The following TMEM266 variants were observed in gnomAD, a reference collection of about 807,000 sequenced individuals.
The protein encoded by TMEM266 is transmembrane protein 266.
Under a neutral mutation model 50.5 loss-of-function variants are expected in TMEM266, and 33 were observed. The observed-to-expected ratio is 0.65, with a 90% CI of 0.50 to 0.87. TMEM266 has a LOEUF of 0.87. Among genes scored for constraint, TMEM266 ranks in the 40% least tolerant of loss-of-function variants. The pLI is 0.00. For synonymous variants in TMEM266, 310 were observed against 292.3 expected (o/e 1.06, Z -0.62); for missense variants, 655 against 695.1 (o/e 0.94, Z 0.65).
In TMEM266 at chr15:76,146,222, C is replaced by T. The variant is rs556245984; in HGVS notation, c.227+8327C>T. Among the ~76,000 whole-genome samples the T allele has an allele frequency of 1.4e-4, 21 of 152,226 alleles. No individual in the cohort carries two copies. In the South Asian group the frequency reaches 3.7e-3, roughly 27 times the overall value. On this transcript the variant is annotated intron_variant, in intron 3 of 10. Transcript: ENST00000388942. Reference sequence around the variant, plus strand: ...TGGTGGTGCAAGGTGGGGGTCGTCACCCCCACTTTATAAATGACACTCTGT... The same window carrying T: ...TGGTGGTGCAAGGTGGGGGTCGTCATCCCCACTTTATAAATGACACTCTGT...
At chr15:76,171,500 C>G (rs1408909006) in intron 7 of TMEM266, among the ~76,000 whole-genome samples, 1 of 152,228 alleles carries the variant, frequency 6.6e-6, no homozygotes, top group Non-Finnish European at 1.5e-5. Flanking sequence ...CTGCTGCTGG[C>G]TCCCCGATGG....
intron 7 of TMEM266, among the ~76,000 whole-genome samples, chr15:76,173,909 G>A (rs2038226063): frequency 6.6e-6 from 1 of 151,370 alleles, no homozygotes; most frequent in Non-Finnish European, 1.5e-5. Flanking sequence ...CTCCAGCCTG[G>A]GTGACAGGGT....
At chr15:76,163,881 CCTT>C (rs772796251) in intron 5 of TMEM266, among the ~76,000 whole-genome samples, 1 of 152,246 alleles carries the variant, frequency 6.6e-6, no homozygotes, top group Non-Finnish European at 1.5e-5. Context: ...TCTTCCTCCT[CCTT>C]CTGTTGAGGT....
chr15:76,099,324 G>C (rs1256137571), intron 1 of TMEM266, among the ~76,000 whole-genome samples: 2 of 152,152 alleles, frequency 1.3e-5, no homozygotes, highest in African/African-American at 2.4e-5. Context: ...CCTTGGGTAG[G>C]GGAGAAAATT....
At chr15:76,068,447 T>C (rs2036475066) in intron 1 of TMEM266, among the ~76,000 whole-genome samples, 1 of 152,220 alleles carries the variant, frequency 6.6e-6, no homozygotes, top group Non-Finnish European at 1.5e-5. Context: ...CCAAAGATCA[T>C]ATCCAATACA....
Position 76,109,988 on chromosome 15 carries a change from TTTTTC to T in TMEM266, c.-96-24160_-96-24156del, listed in dbSNP as rs529607469. Among the ~76,000 whole-genome samples the T allele has an allele frequency of 9.9e-5, 15 of 151,786 alleles. No individual in the cohort carries two copies. In the South Asian group the frequency reaches 1.3e-3, roughly 13 times the overall value. On this transcript the variant is annotated intron_variant, in intron 1 of 10. Transcript: ENST00000388942. ...TTTTTCTGTTTGAGTTAAAAGTCAA[TTTTTC>T]TTTTCTTTTCTTTTCTTTTTTTTTG...
At chr15:76,080,240 G>A (rs1348439969) in intron 1 of TMEM266, among the ~76,000 whole-genome samples, 1 of 61,700 alleles carries the variant, frequency 1.6e-5, no homozygotes, top group Non-Finnish European at 3.4e-5. Context: ...GGTGGCAGGT[G>A]CCCGTAATCC....
chr15:76,085,262 C>CTT (rs773522680), intron 1 of TMEM266, among the ~76,000 whole-genome samples: 2 of 138,792 alleles, frequency 1.4e-5, no homozygotes, highest in African/African-American at 2.6e-5. Context: ...CCCAGCCTTT[C>CTT]TTTTTTTTTT....
rs146900590 is a variant in TMEM266, at chr15:76,114,741, C to T, written c.-96-19427C>T. ...TGAAATTTACTGTTATGACATTTAGCGCATCCACAGTGTTGTGCAATCATT... is the reference window on the plus strand; with the variant it reads ...TGAAATTTACTGTTATGACATTTAGTGCATCCACAGTGTTGTGCAATCATT... On this transcript the variant is annotated intron_variant, in intron 1 of 10. Transcript: ENST00000388942. Among the ~76,000 whole-genome samples the T allele has an allele frequency of 1.1e-3, 160 of 152,052 alleles. 1 individual carries two copies. The highest frequency in any genetic ancestry group is 1.9e-3 in the Non-Finnish European group (130 of 68,000).
chr15:76,159,021 T>C (rs991672938), intron 4 of TMEM266, among the ~76,000 whole-genome samples: 1 of 152,008 alleles, frequency 6.6e-6, no homozygotes, highest in Non-Finnish European at 1.5e-5. Flanking sequence ...CCCTTGGCCC[T>C]GGGGGGGGTT....
chr15:76,164,493 C>G (rs1036527044), intron 5 of TMEM266, among the ~76,000 whole-genome samples: 2 of 151,266 alleles, frequency 1.3e-5, no homozygotes, highest in African/African-American at 2.4e-5. Context: ...CAGGCAAGAG[C>G]CACTGTGTCC....
intron 1 of TMEM266, among the ~76,000 whole-genome samples, chr15:76,132,638 A>G (rs984077977): frequency 6.8e-6 from 1 of 147,654 alleles, no homozygotes; most frequent in Non-Finnish European, 1.5e-5. Context: ...TCTATTAAAA[A>G]CACAAAAATT....
intron 1 of TMEM266, among the ~76,000 whole-genome samples, chr15:76,099,960 A>T (rs1389935647): frequency 6.6e-6 from 1 of 152,138 alleles, no homozygotes; most frequent in Non-Finnish European, 1.5e-5. Flanking sequence ...GTGCCACACA[A>T]ATTTAAACCG....
intron 2 of TMEM266, among the ~76,000 whole-genome samples, 198 bp downstream of exon 2, chr15:76,134,499 G>A (rs966906278): frequency 6.6e-6 from 1 of 152,196 alleles, no homozygotes; most frequent in African/African-American, 2.4e-5. Context: ...AATGGGAATC[G>A]CAAGGAAATT....
chr15:76,112,894 G>A (rs1007165114), intron 1 of TMEM266: 1 of 152,192 alleles, frequency 6.6e-6, no homozygotes, highest in African/African-American at 2.4e-5. Context: ...GAGAGGTACC[G>A]TTGAAGTGGG....
intron 9 of TMEM266, among the ~76,000 whole-genome samples, chr15:76,200,242 G>A (rs1354593352): frequency 2.0e-5 from 3 of 152,288 alleles, no homozygotes; most frequent in East Asian, 3.9e-4. Flanking sequence ...TCTCAGGCCG[G>A]TATCCAGGGG....
At chr15:76,118,327 C>T (rs879379712) in intron 1 of TMEM266, among the ~76,000 whole-genome samples, 5 of 152,138 alleles carry the variant, frequency 3.3e-5, no homozygotes, top group Admixed American at 1.3e-4. Context: ...TTTGGGAAGC[C>T]GAGGCAGGTG....
intron 3 of TMEM266, among the ~76,000 whole-genome samples, chr15:76,142,683 G>A (rs557650033): frequency 6.6e-6 from 1 of 152,168 alleles, no homozygotes; most frequent in Non-Finnish European, 1.5e-5. Flanking sequence ...GCGGGGTGAG[G>A]AAGAAGGAGC....
At chr15:76,084,598 G>GTTTTTTTTTTTTTT (rs111324062) in intron 1 of TMEM266, among the ~76,000 whole-genome samples, 1 of 87,680 alleles carries the variant, frequency 1.1e-5, no homozygotes, top group African/African-American at 3.7e-5. Context: ...GTTTTTTTTG[G>GTTTTTTTTTTTTTT]TTTTTTTTTT....
Sources: allele counts gnomAD v4.1 joint callset (sites outside exome capture counted in the v4.1 genomes callset), GRCh38; gene constraint gnomAD v4.1.1; transcripts MANE v1.5; gene names NCBI Gene and HGNC (gene_info 2026-07-23, HGNC 2026-07-21).